The following ADGRL2 variants were observed in gnomAD, a reference collection of about 807,000 sequenced individuals.
ADGRL2 encodes adhesion G protein-coupled receptor L2, also known as calcium-independent alpha-latrotoxin receptor 2.
In ADGRL2, 44 loss-of-function variants were observed where a neutral mutation model predicts 157.4. The ratio of observed to expected loss-of-function variants is 0.28; its 90% CI spans 0.22 to 0.36. The LOEUF is 0.36. Ranked by LOEUF, ADGRL2 falls within the 10% of genes least tolerant of loss-of-function variation. The probability of loss-of-function intolerance (pLI) is 1.00; values close to 1 mark genes in which losing one functional copy is unlikely to be tolerated. For missense variants in ADGRL2, 1,510 were observed against 1,768.9 expected (o/e 0.85, Z 2.63); for synonymous variants, 585 against 624.7 (o/e 0.94, Z 0.95).
chr1:81,590,713 G>A (rs1233113015), intron 3 of ADGRL2, among the ~76,000 whole-genome samples: 2 of 151,962 alleles, frequency 1.3e-5, no homozygotes, highest in Non-Finnish European at 2.9e-5. Context: ...ATTTTTGCAT[G>A]CTCAGTTTTT....
At chr1:81,747,025 T>C (rs1217738865) in intron 1 of ADGRL2, among the ~76,000 whole-genome samples, 1 of 144,166 alleles carries the variant, frequency 6.9e-6, no homozygotes, top group African/African-American at 2.5e-5. Flanking sequence ...TGTATACACG[T>C]GTATATACGT....
At chr1:81,571,898 C>A (rs558708533) in intron 2 of ADGRL2, among the ~76,000 whole-genome samples, 1 of 152,300 alleles carries the variant, frequency 6.6e-6, no homozygotes, top group Admixed American at 6.5e-5. Context: ...CACCCCCCAG[C>A]CTTTGCTACC....
At chr1:81,559,582 T>G (rs1479095309) in intron 2 of ADGRL2, among the ~76,000 whole-genome samples, 1 of 152,138 alleles carries the variant, frequency 6.6e-6, no homozygotes, top group Non-Finnish European at 1.5e-5. Flanking sequence ...CTCCTATAAC[T>G]TTAGTGTCTT....
intron 2 of ADGRL2, among the ~76,000 whole-genome samples, chr1:81,536,287 A>G (rs768568955): frequency 9.3e-5 from 14 of 151,236 alleles, no homozygotes; most frequent in Admixed American, 1.3e-4. Flanking sequence ...TTACTTTAAT[A>G]AAATATTTTA....
intron 2 of ADGRL2, among the ~76,000 whole-genome samples, chr1:81,532,459 G>A (rs1025657654): frequency 5.9e-5 from 9 of 151,764 alleles, no homozygotes; most frequent in Non-Finnish European, 1.0e-4. Flanking sequence ...GAATATAAAC[G>A]TAAGCACTAA....
At chr1:81,595,925 C>T (rs2081222628) in intron 3 of ADGRL2, among the ~76,000 whole-genome samples, 1 of 152,122 alleles carries the variant, frequency 6.6e-6, no homozygotes, top group Admixed American at 6.5e-5. Context: ...TTGAGGGCTG[C>T]TTCCTGGTTC....
rs1444582861 is a variant in ADGRL2 at position 81,992,520 on chromosome 1, A to C, written c.*1375A>C. On this transcript the variant is annotated 3_prime_UTR_variant, in exon 24 of 24. Transcript: ENST00000686636. Reference sequence around the variant, plus strand: ...AGTAACGTCATACCAAAGTCCATGGATATATGAAAGGATACAATTAAGTTG... The same window carrying C: ...AGTAACGTCATACCAAAGTCCATGGCTATATGAAAGGATACAATTAAGTTG... 2 of 152,462 alleles carry C rather than the reference A, an allele frequency of 1.3e-5. No homozygotes were observed. The highest frequency in any genetic ancestry group is 4.8e-5 in the African/African-American group (2 of 41,462). The allele number at this position is 152,462 out of a possible 1,614,324, so 9.4% of individuals were successfully genotyped here. A position where few individuals can be genotyped will look rare whatever the true frequency, so the allele number is the denominator to read the frequency against.
intron 1 of ADGRL2, among the ~76,000 whole-genome samples, chr1:81,357,749 G>T (rs577037058): frequency 1.7e-3 from 266 of 152,240 alleles, no homozygotes; most frequent in African/African-American, 6.3e-3. Flanking sequence ...CATTGCCTAA[G>T]GTCCTACAGC....
chr1:81,825,116 C>T (rs781461367), intron 1 of ADGRL2, among the ~76,000 whole-genome samples: 7 of 151,948 alleles, frequency 4.6e-5, no homozygotes, highest in Non-Finnish European at 7.4e-5. Flanking sequence ...GAGGCCAAGG[C>T]GGGAGGATAA....
At chr1:81,696,006 TC>T (rs563423145), upstream of ADGRL2, among the ~76,000 whole-genome samples, 12 of 152,200 alleles carry the variant, frequency 7.9e-5, no homozygotes, top group African/African-American at 2.4e-4. Flanking sequence ...AATGTAGCTC[TC>T]TCGCCATCCA....
chr1:81,812,217 A>G (rs530902690), intron 1 of ADGRL2, among the ~76,000 whole-genome samples: 1 of 151,968 alleles, frequency 6.6e-6, no homozygotes, highest in South Asian at 2.1e-4. Context: ...TTACCTGCAG[A>G]GGGAGCTTTT....
intron 1 of ADGRL2, among the ~76,000 whole-genome samples, chr1:81,834,511 G>A (rs1267529671): frequency 6.6e-6 from 1 of 152,030 alleles, no homozygotes; most frequent in Non-Finnish European, 1.5e-5. Context: ...AGCTGATTGT[G>A]GTTTGTTAGG....
At chr1:81,956,590 T>C (rs1383597051) in intron 11 of ADGRL2, among the ~76,000 whole-genome samples, 1 of 152,164 alleles carries the variant, frequency 6.6e-6, no homozygotes, top group African/African-American at 2.4e-5. Flanking sequence ...CTACAGATAG[T>C]GTTGAAGCAT....
chr1:81,927,702 A>G (rs1484785863), intron 3 of ADGRL2, among the ~76,000 whole-genome samples: 1 of 152,028 alleles, frequency 6.6e-6, no homozygotes, highest in Non-Finnish European at 1.5e-5. Flanking sequence ...AAATTATTAA[A>G]TAAATAATGA....
intron 2 of ADGRL2, among the ~76,000 whole-genome samples, chr1:81,855,584 G>A (rs1208546016): frequency 6.6e-6 from 1 of 150,758 alleles, no homozygotes; most frequent in East Asian, 1.9e-4. Context: ...TTTTTTCCTT[G>A]CAAGCAGGAA....
Position 81,968,126 on chromosome 1 carries a change from A to G in ADGRL2, c.2450A>G (p.Asn817Ser). The G allele has an allele frequency of 6.2e-7, 1 of 1,613,004 alleles. No individual in the cohort carries two copies. Among genetic ancestry groups the G allele is most frequent in the Non-Finnish European group, 8.5e-7 (1 of 1,179,742 alleles). ...CAGGGCTGCAAGCTGGTTGACACTAATAAAACTCGAACAACGTGTGCATGC... is the reference window on the plus strand; with the variant it reads ...CAGGGCTGCAAGCTGGTTGACACTAGTAAAACTCGAACAACGTGTGCATGC... ...STQGCKLVDT[N>S]KTRTTCACSH... Residue 817 changes from asparagine to serine, a missense_variant, in exon 14 of 24, where the codon AAT becomes AGT. Asn to Ser is a conservative substitution (Grantham distance 46). This residue lies in a region of ADGRL2 where 497 missense variants were observed against 627.2 expected (regional missense o/e 0.79). Coordinates refer to ENST00000686636, the MANE Select transcript of ADGRL2 (RefSeq NM_001366006.2).
chr1:81,577,286 C>T (rs1270467365), intron 2 of ADGRL2, among the ~76,000 whole-genome samples: 1 of 152,200 alleles, frequency 6.6e-6, no homozygotes, highest in African/African-American at 2.4e-5. Flanking sequence ...CTTGGCCACA[C>T]TCACCATTGA....
At chr1:81,526,094 T>C (rs2079448025) in intron 2 of ADGRL2, among the ~76,000 whole-genome samples, 3 of 133,520 alleles carry the variant, frequency 2.2e-5, no homozygotes, top group Admixed American at 2.1e-4. Flanking sequence ...CTCTGTTTCC[T>C]TTTATAGACA....
intron 3 of ADGRL2, among the ~76,000 whole-genome samples, chr1:81,583,405 T>C (rs1197442827): frequency 2.6e-5 from 4 of 152,044 alleles, no homozygotes; most frequent in Non-Finnish European, 5.9e-5. Flanking sequence ...TGTTTGTTGT[T>C]TTTTTTTCTT....
Sources: allele counts gnomAD v4.1 joint callset (sites outside exome capture counted in the v4.1 genomes callset), GRCh38; gene constraint gnomAD v4.1.1; regional missense constraint gnomAD v4.1.1; transcripts MANE v1.5; gene names NCBI Gene and HGNC (gene_info 2026-07-23, HGNC 2026-07-21).